The following CNTN5 variants were observed in gnomAD, a reference collection of about 807,000 sequenced individuals.
The protein encoded by CNTN5 is contactin-5.
In CNTN5, 77 loss-of-function variants were observed where a neutral mutation model predicts 129.1. That is an observed-to-expected ratio of 0.60 (90% confidence interval 0.50 to 0.72). The LOEUF (loss-of-function observed/expected upper bound fraction) is 0.72, where lower values mean the gene tolerates loss of function less well. Ranked by LOEUF, CNTN5 falls within the 30% of genes least tolerant of loss-of-function variation. CNTN5 has a pLI of 0.00. For missense variants in CNTN5, 1,478 were observed against 1,328.8 expected (o/e 1.11, Z -1.75); for synonymous variants, 509 against 465.6 (o/e 1.09, Z -1.20).
At chr11:100,122,785 GT>G (rs1591282100) in intron 13 of CNTN5, among the ~76,000 whole-genome samples, 2 of 151,968 alleles carry the variant, frequency 1.3e-5, no homozygotes, top group East Asian at 3.9e-4. Context: ...AAACTTACAG[GT>G]TAGGCTACAA....
chr11:99,365,548 A>ATTCATTTCAT (rs528097705), intron 2 of CNTN5, among the ~76,000 whole-genome samples: 1 of 152,184 alleles, frequency 6.6e-6, no homozygotes, highest in South Asian at 2.1e-4. Flanking sequence ...GATCTGGCCA[A>ATTCATTTCAT]TTCATTTCAT....
intron 16 of CNTN5, among the ~76,000 whole-genome samples, chr11:100,236,488 G>A (rs775544018): frequency 2.2e-4 from 34 of 152,252 alleles, no homozygotes; most frequent in South Asian, 1.9e-3. Context: ...CATATAAAAG[G>A]GGGTTCTTTT....
intron 1 of CNTN5, among the ~76,000 whole-genome samples, chr11:99,142,765 A>G (rs1859584250): frequency 6.6e-6 from 1 of 152,124 alleles, no homozygotes; most frequent in Non-Finnish European, 1.5e-5. Flanking sequence ...TACACAGGCT[A>G]GAGTCCTGTC....
At chr11:99,737,447 A>C (rs1462265497) in intron 3 of CNTN5, among the ~76,000 whole-genome samples, 1 of 152,144 alleles carries the variant, frequency 6.6e-6, no homozygotes, top group Non-Finnish European at 1.5e-5. Flanking sequence ...TTAGAACTAC[A>C]TTCCAGGTAG....
chr11:100,108,549 GTTC>G (rs759361551), intron 13 of CNTN5, among the ~76,000 whole-genome samples: 38 of 152,156 alleles, frequency 2.5e-4, no homozygotes, highest in South Asian at 6.2e-4. Flanking sequence ...ATTTTTCTTA[GTTC>G]TGTCAAGATC....
chr11:100,117,994 C>G lies in CNTN5; in HGVS notation c.1580+43700C>G, dbSNP rs954880518. Among the ~76,000 whole-genome samples, 4 of 151,584 alleles carry G rather than the reference C, an allele frequency of 2.6e-5. No homozygotes were observed. In the East Asian group the frequency reaches 7.8e-4, roughly 29 times the overall value. On this transcript the variant is annotated intron_variant, in intron 13 of 24. Coordinates refer to ENST00000524871, the MANE Select transcript of CNTN5 (RefSeq NM_014361.4). ...ATTCCTGTCGTGAATTCAACACGAACTGGGAAAATTTCTCTAACTTTTTTA... is the reference window on the plus strand; with the variant it reads ...ATTCCTGTCGTGAATTCAACACGAAGTGGGAAAATTTCTCTAACTTTTTTA...
intron 9 of CNTN5, among the ~76,000 whole-genome samples, chr11:100,047,294 C>A (rs7122249): frequency 0.11 from 16,302 of 151,892 alleles, 1,006 homozygotes; most frequent in Middle Eastern, 0.26. Context: ...AAAAAAAGAC[C>A]AGGTCACAGG....
At chr11:99,580,077 A>G (rs1949519017) in intron 3 of CNTN5, among the ~76,000 whole-genome samples, 1 of 152,116 alleles carries the variant, frequency 6.6e-6, no homozygotes, top group African/African-American at 2.4e-5. Flanking sequence ...TTCTGTATCT[A>G]TTGAGATAAT....
intron 1 of CNTN5, among the ~76,000 whole-genome samples, chr11:99,251,599 G>GT (rs1306319933): frequency 6.6e-6 from 1 of 151,796 alleles, no homozygotes; most frequent in Non-Finnish European, 1.5e-5. Context: ...TCTCACCTAC[G>GT]TAAGTATCTC....
intron 13 of CNTN5, among the ~76,000 whole-genome samples, chr11:100,134,372 T>C (rs1484853435): frequency 1.3e-5 from 2 of 152,166 alleles, no homozygotes; most frequent in South Asian, 2.1e-4. Context: ...TTTTATTGGC[T>C]GTATTTCCTT....
chr11:99,980,202 A>G (rs1450287175), intron 8 of CNTN5, among the ~76,000 whole-genome samples: 1 of 152,212 alleles, frequency 6.6e-6, no homozygotes, highest in Non-Finnish European at 1.5e-5. Flanking sequence ...ACAAAAATCA[A>G]ATTACCAGCT....
At chr11:99,484,319 C>T (rs1945721160) in intron 2 of CNTN5, among the ~76,000 whole-genome samples, 1 of 151,826 alleles carries the variant, frequency 6.6e-6, no homozygotes, top group African/African-American at 2.4e-5. Flanking sequence ...AAATCAAAAC[C>T]ACAATGAGGT....
At chr11:100,026,967 G>A (rs529240941) in intron 9 of CNTN5, among the ~76,000 whole-genome samples, 1 of 151,860 alleles carries the variant, frequency 6.6e-6, no homozygotes, top group South Asian at 2.1e-4. Context: ...AGATCATCTT[G>A]ATTTTGTTCC....
intron 6 of CNTN5, among the ~76,000 whole-genome samples, chr11:99,906,328 G>C (rs1313517897): frequency 1.3e-5 from 2 of 152,124 alleles, no homozygotes; most frequent in Non-Finnish European, 1.5e-5. Context: ...CTAGCTTATT[G>C]AGAGTTTTTA....
At chr11:100,102,460 T>C (rs1305103123) in intron 13 of CNTN5, among the ~76,000 whole-genome samples, 2 of 151,962 alleles carry the variant, frequency 1.3e-5, no homozygotes, top group Non-Finnish European at 2.9e-5. Context: ...TTTAGAGAAG[T>C]ATAAAATATT....
chr11:99,026,652 G>C (rs577885442), intron 1 of CNTN5, among the ~76,000 whole-genome samples: 2 of 151,548 alleles, frequency 1.3e-5, no homozygotes, highest in East Asian at 3.9e-4. Context: ...ATATTGGAAG[G>C]GGCCATGCGA....
At chr11:99,785,646 C>T (rs1038124331) in intron 3 of CNTN5, among the ~76,000 whole-genome samples, 1 of 152,060 alleles carries the variant, frequency 6.6e-6, no homozygotes, top group Admixed American at 6.5e-5. Flanking sequence ...GCTTATCCAC[C>T]ACCACCTTAT....
intron 3 of CNTN5, among the ~76,000 whole-genome samples, chr11:99,777,703 C>T (rs954876471): frequency 6.6e-6 from 1 of 151,594 alleles, no homozygotes; most frequent in East Asian, 1.9e-4. Flanking sequence ...TTGAGTGCTC[C>T]GCAAACCTCA....
chr11:99,532,423 G>A (rs559265335), intron 2 of CNTN5, among the ~76,000 whole-genome samples: 2 of 152,252 alleles, frequency 1.3e-5, no homozygotes, highest in Admixed American at 6.5e-5. Flanking sequence ...GGTTACTGCC[G>A]AAATGAGTTA....
Sources: gnomAD v4.1 joint callset for allele counts (sites outside exome capture counted in the v4.1 genomes callset) on GRCh38, gnomAD v4.1.1 for gene constraint, MANE v1.5 for transcripts, NCBI Gene and HGNC (gene_info 2026-07-23, HGNC 2026-07-21) for gene names.